JPH2: variants seen among roughly 807,000 people sequenced by gnomAD.
JPH2 encodes junctophilin-2.
Under a neutral mutation model 55.9 loss-of-function variants are expected in JPH2, and 38 were observed. That is an observed-to-expected ratio of 0.68 (90% CI 0.52 to 0.89). The LOEUF is 0.89. Among genes scored for constraint, JPH2 ranks in the 40% least tolerant of loss-of-function variants. The pLI is 0.00. For synonymous variants in JPH2, 480 were observed against 472.4 expected, an observed-to-expected ratio of 1.02 and a Z score of -0.21; for missense variants, 964 against 1,037.6, an observed-to-expected ratio of 0.93 and a Z score of 0.97.
chr20:44,116,483 T>C, intron 3 of JPH2, 97 bp from the exon 4 acceptor site: 1 of 1,411,784 alleles, frequency 7.1e-7, no homozygotes, highest in African/African-American at 1.4e-5. Flanking sequence ...ATTCATGGGC[T>C]CAGTCGGCAC....
chr20:44,124,927 C>G (rs1025691185), intron 2 of JPH2, among the ~76,000 whole-genome samples: 15 of 151,890 alleles, frequency 9.9e-5, no homozygotes, highest in Admixed American at 5.2e-4. Context: ...GGCCAACATG[C>G]CGAAACCCTG....
rs199998871 is a variant in JPH2, at chr20:44,159,259, T to C, written c.1169+359A>G. On this transcript the variant is annotated intron_variant, in intron 2 of 5. Coordinates refer to ENST00000372980, the MANE Select transcript of JPH2 (RefSeq NM_020433.5). This position sits in a 1 kb window ranked among gnomAD's most constrained non-coding sequence, Gnocchi z 5.7. ...TGGATTTGGATGGATGTTTGGGTGG[T>C]TGACTGCGAGGTTGTGTGGATAGAT... is the stretch of plus-strand genomic sequence containing the variant. Among the ~76,000 whole-genome samples the C allele has an allele frequency of 1.3e-5, 2 of 151,962 alleles. No individual in the cohort carries two copies. Among genetic ancestry groups the C allele is most frequent in the East Asian group, 1.9e-4 (1 of 5,186 alleles).
chr20:44,161,251 G>A (rs933288742), intron 1 of JPH2, among the ~76,000 whole-genome samples: 1 of 152,162 alleles, frequency 6.6e-6, no homozygotes, highest in Non-Finnish European at 1.5e-5. Context: ...AGTGTGTGAG[G>A]TGATGGGCAT....
intron 2 of JPH2, among the ~76,000 whole-genome samples, chr20:44,152,641 C>T (rs1234003351): frequency 6.6e-6 from 1 of 152,178 alleles, no homozygotes; most frequent in Non-Finnish European, 1.5e-5. Flanking sequence ...GGGCAATTAC[C>T]AAGACCCTCC....
chr20:44,155,142 T>C (rs1255785673), intron 2 of JPH2, among the ~76,000 whole-genome samples: 1 of 152,148 alleles, frequency 6.6e-6, no homozygotes, highest in Admixed American at 6.5e-5. Flanking sequence ...TGTTAGATCA[T>C]AGCAATGATT....
intron 1 of JPH2, among the ~76,000 whole-genome samples, chr20:44,167,187 T>C (rs1309815089): frequency 6.6e-6 from 1 of 152,224 alleles, no homozygotes; most frequent in African/African-American, 2.4e-5. Flanking sequence ...CATCCATTTT[T>C]CTTAGCACTT....
At chr20:44,185,460 CA>C (rs761422442) in intron 1 of JPH2, among the ~76,000 whole-genome samples, 1 of 45,740 alleles carries the variant, frequency 2.2e-5, no homozygotes, top group Non-Finnish European at 3.8e-5. Flanking sequence ...CCTGTCTCTA[CA>C]AAAAAAAAAA....
intron 1 of JPH2, among the ~76,000 whole-genome samples, chr20:44,170,841 C>G (rs577421169): frequency 1.1e-4 from 17 of 152,318 alleles, no homozygotes; most frequent in Non-Finnish European, 2.5e-4. Context: ...CAGGCATCAT[C>G]ATTTCGATGT....
At chr20:44,156,264 C>T (rs1202669059) in intron 2 of JPH2, among the ~76,000 whole-genome samples, 1 of 152,122 alleles carries the variant, frequency 6.6e-6, no homozygotes, top group East Asian at 1.9e-4. Flanking sequence ...ATTATGATAA[C>T]GTAAGAAGTT....
At chr20:44,161,946 A>G (rs895861471) in intron 1 of JPH2, among the ~76,000 whole-genome samples, 1 of 152,080 alleles carries the variant, frequency 6.6e-6, no homozygotes, top group Non-Finnish European at 1.5e-5. Flanking sequence ...CAGATGGTAC[A>G]CAGCCACCTC....
At position 44,115,009 on chromosome 20, in the gene JPH2, T is replaced by C. The variant is rs1457777314; in HGVS notation, c.2011-133A>G. 12 of 723,822 alleles carry C rather than the reference T, an allele frequency of 1.7e-5. No homozygotes were observed. The African/African-American group carries it at 1.7e-4, about 11-fold the overall frequency. The allele number at this position is 723,822 out of a possible 1,614,324, so 44.8% of individuals were successfully genotyped here. On this transcript the variant is annotated intron_variant, in intron 4 of 5. Transcript: ENST00000372980. ...TAAGAGCATTGCCGGCTTTGTTCAC[T>C]GCTGTATCCTGTCACCTGGATGGCA...
In JPH2 at chr20:44,116,017, G is replaced by A. The variant is rs200422043; in HGVS notation, c.1658C>T (p.Ala553Val). The change falls in exon 4 of 6, where the codon GCG becomes GTG. Residue 553 changes from alanine to valine, a missense_variant. Coordinates refer to ENST00000372980, the MANE Select transcript of JPH2 (RefSeq NM_020433.5). ...CGCCACCTCCGGCTCCCGCGACGGC[G>A]CAGGCGGTGCCTGCAGAGCCTCGAT... The part of the protein sequence containing the change: ...MAIEALQAPP[A>V]PSREPEVALY... 84 of 1,580,854 alleles carry A rather than the reference G, an allele frequency of 5.3e-5. No individual in the cohort carries two copies. Among genetic ancestry groups the A allele is most frequent in the Middle Eastern group, 1.8e-4 (1 of 5,672 alleles).
intron 2 of JPH2, among the ~76,000 whole-genome samples, chr20:44,127,109 T>C (rs970286138): frequency 6.6e-6 from 1 of 152,238 alleles, no homozygotes; most frequent in Non-Finnish European, 1.5e-5. Context: ...CATTTCAGGG[T>C]TCACCCACAT....
intron 4 of JPH2, among the ~76,000 whole-genome samples, chr20:44,115,245 G>A (rs2072179038): frequency 6.6e-6 from 1 of 152,082 alleles, no homozygotes; most frequent in African/African-American, 2.4e-5. Flanking sequence ...CCATAAGTCA[G>A]GAGGTCTATA....
Position 44,155,652 on chromosome 20 carries a change from G to A in JPH2, c.1169+3966C>T, listed in dbSNP as rs150074211. ...AACCTGGCTGACCCACCTTAGCCAA[G>A]TGATCAAAGTTAACATCCTCAGTTT... On this transcript the variant is annotated intron_variant, in intron 2 of 5. Coordinates refer to ENST00000372980, the MANE Select transcript of JPH2 (RefSeq NM_020433.5). Among the ~76,000 whole-genome samples, 6 of 152,304 alleles carry A rather than the reference G, an allele frequency of 3.9e-5. No homozygotes were observed. The East Asian group carries it at 1.2e-3, about 29-fold the overall frequency.
rs1311653754 is a variant in JPH2, at chr20:44,162,787, T to TATACACACACAC, written c.380-2381_380-2380insGTGTGTGTGTAT. Reference sequence around the variant, plus strand: ...ATATATATATATATATATATATATATACACACACACACACACACACACACA... The same window carrying TATACACACACAC: ...ATATATATATATATATATATATATATATACACACACACACACACACACACACACACACACACA... On this transcript the variant is annotated intron_variant, in intron 1 of 5. Coordinates refer to ENST00000372980, the MANE Select transcript of JPH2 (RefSeq NM_020433.5). 1.7e-4 allele frequency among the ~76,000 whole-genome samples: 7 copies of TATACACACACAC among 41,002 alleles called. No individual in the cohort carries two copies. In the East Asian group the frequency reaches 1.8e-3, roughly 10 times the overall value. 26.9% of individuals were successfully genotyped at this position (41,002 alleles called of 152,430 possible).
intron 1 of JPH2, among the ~76,000 whole-genome samples, chr20:44,180,909 G>A (rs2072776961): frequency 6.6e-6 from 1 of 152,110 alleles, no homozygotes; most frequent in South Asian, 2.1e-4. Flanking sequence ...GAGTCCGCGA[G>A]TGTCTCGGTG....
intron 1 of JPH2, among the ~76,000 whole-genome samples, chr20:44,174,729 G>C (rs1385603955): frequency 2.0e-5 from 3 of 151,920 alleles, no homozygotes; most frequent in Non-Finnish European, 4.4e-5. Flanking sequence ...AGCCAGGTGT[G>C]GTGGCTCAGG....
chr20:44,186,449 C>T lies in JPH2; in HGVS notation c.257G>A (p.Trp86Ter). 1 of 1,614,076 alleles carries T rather than the reference C, an allele frequency of 6.2e-7. No individual in the cohort carries two copies. Among genetic ancestry groups the T allele is most frequent in the Non-Finnish European group, 8.5e-7 (1 of 1,179,976 alleles). The change falls in exon 1 of 6, where the codon TGG becomes TAG. Residue 86 changes from tryptophan (W) to a stop codon, truncating the protein, a stop_gained. Coordinates refer to ENST00000372980, the MANE Select transcript of JPH2 (RefSeq NM_020433.5). LOFTEE classifies it high-confidence loss of function. ...TKGRWLYKGE[W>*]THGFKGRYGI... Reference sequence around the variant, plus strand: ...GTAGCGTCCCTTGAAGCCATGTGTCCACTCGCCCTTGTAGAGCCAGCGCCC... The same window carrying T: ...GTAGCGTCCCTTGAAGCCATGTGTCTACTCGCCCTTGTAGAGCCAGCGCCC...
Sources: allele counts gnomAD v4.1 joint callset (sites outside exome capture counted in the v4.1 genomes callset), GRCh38; gene constraint gnomAD v4.1.1; non-coding constraint Gnocchi (gnomAD v3.1); transcripts MANE v1.5; gene names NCBI Gene and HGNC (gene_info 2026-07-23, HGNC 2026-07-21).